FSIP1: variants seen among roughly 807,000 people sequenced by gnomAD.
FSIP1 encodes fibrous sheath-interacting protein 1.
A neutral mutation model predicts 60.9 loss-of-function variants in FSIP1; 65 were observed. The ratio of observed to expected loss-of-function variants is 1.07; its 90% CI spans 0.87 to 1.31. The LOEUF is 1.31. Ranked by LOEUF, FSIP1 falls within the 40% of genes most tolerant of loss-of-function variation. FSIP1 has a pLI of 0.00. For synonymous variants in FSIP1, 209 were observed against 221.2 expected, an observed-to-expected ratio of 0.94 and a Z score of 0.49; for missense variants, 675 against 665.5, an observed-to-expected ratio of 1.01 and a Z score of -0.16.
At chr15:39,644,797 T>C (rs920280939) in intron 10 of FSIP1, among the ~76,000 whole-genome samples, 7 of 152,210 alleles carry the variant, frequency 4.6e-5, no homozygotes, top group African/African-American at 1.4e-4. Flanking sequence ...ATCTCATTGT[T>C]CAGGAAATTC....
intron 11 of FSIP1, among the ~76,000 whole-genome samples, chr15:39,608,170 G>A (rs1890895256): frequency 6.6e-6 from 1 of 152,204 alleles, no homozygotes; most frequent in Non-Finnish European, 1.5e-5. Flanking sequence ...GTAATAAACA[G>A]AAAGTAAAAT....
intron 5 of FSIP1, among the ~76,000 whole-genome samples, chr15:39,755,226 C>A (rs374810186): frequency 4.0e-5 from 6 of 151,626 alleles, no homozygotes; most frequent in Admixed American, 3.9e-4. Flanking sequence ...AATGGAATGA[C>A]GAACAAACCA....
intron 10 of FSIP1, among the ~76,000 whole-genome samples, chr15:39,650,564 C>A (rs1892823613): frequency 6.6e-6 from 1 of 152,176 alleles, no homozygotes; most frequent in Non-Finnish European, 1.5e-5. Context: ...GCAGTACAAT[C>A]AATGGATCTT....
chr15:39,773,491 C>T (rs1040434560), intron 2 of FSIP1, among the ~76,000 whole-genome samples: 1 of 152,142 alleles, frequency 6.6e-6, no homozygotes, highest in African/African-American at 2.4e-5. Flanking sequence ...TGATATTCTC[C>T]TTTTAATAAG....
intron 4 of FSIP1, 101 bp from the exon 5 acceptor site, chr15:39,764,015 C>A (rs979595235): frequency 1.5e-6 from 1 of 655,770 alleles, no homozygotes. Flanking sequence ...TACGTACAAA[C>A]GAGAAGTCTC....
chr15:39,770,964 C>T (rs867136072), intron 2 of FSIP1, among the ~76,000 whole-genome samples: 17 of 152,302 alleles, frequency 1.1e-4, no homozygotes, highest in South Asian at 2.1e-4. Flanking sequence ...CAGCCACTTG[C>T]CACATGTGGC....
At chr15:39,750,358 G>A (rs1897127190) in intron 5 of FSIP1, among the ~76,000 whole-genome samples, 1 of 151,928 alleles carries the variant, frequency 6.6e-6, no homozygotes, top group Middle Eastern at 3.2e-3. Context: ...AAAAACTAAA[G>A]TTGAAGGCAT....
chr15:39,721,334 C>T (rs7170614), intron 9 of FSIP1, among the ~76,000 whole-genome samples: 18,094 of 152,222 alleles, frequency 0.12, 1,311 homozygotes, highest in African/African-American at 0.2. Flanking sequence ...TCTTGACCAA[C>T]AAAGATAAAT....
chr15:39,660,169 T>G lies in FSIP1; in HGVS notation c.1189-41924A>C, dbSNP rs373777224. 8.5e-5 allele frequency among the ~76,000 whole-genome samples: 13 copies of G among 152,328 alleles called. No individual in the cohort carries two copies. The South Asian group carries it at 1.7e-3, about 19-fold the overall frequency. On this transcript the variant is annotated intron_variant, in intron 10 of 11. Coordinates refer to ENST00000350221, the MANE Select transcript of FSIP1 (RefSeq NM_152597.5). The stretch of plus-strand genomic sequence containing the variant: ...ACGTAGTAAGTAAAACGTAGCACAC[T>G]GTTGCCCGTAGTTTCAACCAGTGGA...
intron 10 of FSIP1, among the ~76,000 whole-genome samples, chr15:39,692,182 C>A (rs922277715): frequency 6.6e-6 from 1 of 152,162 alleles, no homozygotes; most frequent in African/African-American, 2.4e-5. Flanking sequence ...GGAGATGAGA[C>A]TTGTACGCCA....
At chr15:39,752,268 G>T (rs1897185883) in intron 5 of FSIP1, among the ~76,000 whole-genome samples, 2 of 151,866 alleles carry the variant, frequency 1.3e-5, no homozygotes, top group South Asian at 4.1e-4. Context: ...GTTGATTTCT[G>T]TACATGGTAA....
chr15:39,657,629 A>C (rs1011897696), intron 10 of FSIP1, among the ~76,000 whole-genome samples: 2 of 152,246 alleles, frequency 1.3e-5, no homozygotes, highest in Non-Finnish European at 2.9e-5. Flanking sequence ...CTCCTTCTTG[A>C]AATTAATATG....
chr15:39,778,780 C>T (rs562324415), intron 1 of FSIP1, among the ~76,000 whole-genome samples: 3 of 152,006 alleles, frequency 2.0e-5, no homozygotes, highest in Admixed American at 2.0e-4. Flanking sequence ...AGAGACTGTC[C>T]AGAAATTGAT....
chr15:39,731,914 T>C (rs772644580), intron 8 of FSIP1, among the ~76,000 whole-genome samples: 2 of 152,136 alleles, frequency 1.3e-5, no homozygotes, highest in Admixed American at 6.5e-5. Flanking sequence ...GTTCCCAACA[T>C]AGATGAAAAT....
intron 9 of FSIP1, among the ~76,000 whole-genome samples, chr15:39,715,384 A>T (rs1030268894): frequency 6.6e-6 from 1 of 152,088 alleles, no homozygotes; most frequent in Non-Finnish European, 1.5e-5. Flanking sequence ...CACTTACCAC[A>T]CTGTCACCAC....
In FSIP1 at chr15:39,729,102, G is replaced by T. The variant is rs150652198; in HGVS notation, c.892-2355C>A. ...AAAAGTCAAAAAATCACAGATACTG[G>T]CAAAGCTGCAGAGAAAAACACCTAT... On this transcript the variant is annotated intron_variant, in intron 8 of 11. Coordinates refer to ENST00000350221, the MANE Select transcript of FSIP1 (RefSeq NM_152597.5). 5.3e-5 allele frequency among the ~76,000 whole-genome samples: 8 copies of T among 152,256 alleles called. No individual in the cohort carries two copies. The East Asian group carries it at 1.3e-3, about 26-fold the overall frequency.
chr15:39,693,709 T>A (rs925009959), intron 10 of FSIP1, among the ~76,000 whole-genome samples: 5 of 152,192 alleles, frequency 3.3e-5, no homozygotes, highest in Admixed American at 6.5e-5. Flanking sequence ...CTTTCAGGTA[T>A]CATCTAACTG....
chr15:39,655,944 G>T (rs933930352), intron 10 of FSIP1, among the ~76,000 whole-genome samples: 8 of 145,858 alleles, frequency 5.5e-5, no homozygotes, highest in African/African-American at 2.0e-4. Context: ...ATGATTAAAA[G>T]AAGTGTTCAG....
At chr15:39,686,124 G>A (rs932583260) in intron 10 of FSIP1, among the ~76,000 whole-genome samples, 2 of 152,124 alleles carry the variant, frequency 1.3e-5, no homozygotes, top group Non-Finnish European at 2.9e-5. Context: ...TAGGCTAACC[G>A]AATTCACCAC....
Sources: allele counts gnomAD v4.1 joint callset (sites outside exome capture counted in the v4.1 genomes callset), GRCh38; gene constraint gnomAD v4.1.1; transcripts MANE v1.5; gene names NCBI Gene and HGNC (gene_info 2026-07-23, HGNC 2026-07-21).